The following THADA variants were observed in gnomAD, a reference collection of about 807,000 sequenced individuals.
THADA encodes the protein tRNA (32-2'-O)-methyltransferase regulator THADA.
A neutral mutation model predicts 219.8 loss-of-function variants in THADA; 213 were observed. That is an observed-to-expected ratio of 0.97 (90% confidence interval 0.87 to 1.09). THADA has a LOEUF of 1.09. Among genes scored for constraint, THADA ranks in the 50% least tolerant of loss-of-function variants. THADA has a pLI of 0.00. For missense variants in THADA, 2,956 were observed against 2,311.3 expected (o/e 1.28, Z -5.72); for synonymous variants, 1,018 against 828.9 (o/e 1.23, Z -3.92).
At chr2:43,470,207 CAA>C (rs67659070) in intron 26 of THADA, among the ~76,000 whole-genome samples, 2,974 of 80,610 alleles carry the variant, frequency 0.037, 30 homozygotes, top group African/African-American at 0.057. Context: ...GACCTTGTCT[CAA>C]AAAAAAAAAA....
At position 43,572,810 on chromosome 2, in the gene THADA, T is replaced by G. The variant is rs757130354; in HGVS notation, c.1908+4A>C. On this transcript the variant is annotated splice_donor_region_variant and intron_variant, in intron 12 of 37. Coordinates refer to ENST00000405975, the MANE Select transcript of THADA (RefSeq NM_022065.5). ...TACAAATCCAGGTAATTTTCTTTAC[T>G]TACTTGGCAATGCTGATGAATTAAG... The G allele has an allele frequency of 1.2e-6, 2 of 1,612,872 alleles. No individual in the cohort carries two copies. Among genetic ancestry groups the G allele is most frequent in the Admixed American group, 1.7e-5 (1 of 59,788 alleles).
intron 21 of THADA, among the ~76,000 whole-genome samples, chr2:43,531,097 A>T (rs920701226): frequency 6.6e-6 from 1 of 152,254 alleles, no homozygotes; most frequent in African/African-American, 2.4e-5. Flanking sequence ...AGATGAAAAC[A>T]AGATGCCTGT....
rs763566405 is a variant in THADA, at chr2:43,498,915, G to A, written c.3662C>T (p.Thr1221Met). The A allele has an allele frequency of 1.6e-4, 248 of 1,593,662 alleles. No homozygotes were observed. The highest frequency in any genetic ancestry group is 3.1e-4 in the South Asian group (27 of 87,454). Residue 1221 changes from threonine to methionine, a missense_variant, in exon 25 of 38, where the codon ACG (threonine) becomes ATG (methionine). Physicochemically the swap from Thr to Met is moderately conservative, Grantham distance 81. Coordinates refer to ENST00000405975, the MANE Select transcript of THADA (RefSeq NM_022065.5). ...AGGAATAATATTTTCTCCCAGGCGC[G>A]TATCTCTGAACAATGCTCTAAGGAT... ...LNILRALFRDTRLGENIIPYV... is the reference protein window; with the variant it reads ...LNILRALFRDMRLGENIIPYV...
chr2:43,348,632 C>T (rs961391720), intron 29 of THADA, among the ~76,000 whole-genome samples: 2 of 152,040 alleles, frequency 1.3e-5, no homozygotes, highest in Non-Finnish European at 2.9e-5. Flanking sequence ...AGAGCTTCTG[C>T]GGGCTGCAGA....
chr2:43,433,994 AAGT>A (rs753625606), intron 26 of THADA, among the ~76,000 whole-genome samples: 2 of 152,146 alleles, frequency 1.3e-5, no homozygotes, highest in Non-Finnish European at 2.9e-5. Context: ...CAGCCCTGAG[AAGT>A]AGATTTTAAA....
chr2:43,534,371 A>G (rs1694284153), intron 21 of THADA, among the ~76,000 whole-genome samples: 1 of 152,154 alleles, frequency 6.6e-6, no homozygotes, highest in African/African-American at 2.4e-5. Flanking sequence ...ATTAATATAT[A>G]TATATTATTG....
chr2:43,243,392 A>C (rs909286433), intron 36 of THADA, among the ~76,000 whole-genome samples: 5 of 152,230 alleles, frequency 3.3e-5, no homozygotes, highest in Admixed American at 3.3e-4. Context: ...TACAGTGTTC[A>C]CGATAGCCCT....
intron 22 of THADA, among the ~76,000 whole-genome samples, chr2:43,515,857 C>T (rs1328893023): frequency 1.3e-5 from 2 of 152,086 alleles, no homozygotes; most frequent in Non-Finnish European, 2.9e-5. Flanking sequence ...ACAAAGTACA[C>T]CTAAAGTAGT....
intron 25 of THADA, among the ~76,000 whole-genome samples, chr2:43,496,715 G>A (rs1423096190): frequency 6.6e-6 from 1 of 151,996 alleles, no homozygotes; most frequent in Non-Finnish European, 1.5e-5. Flanking sequence ...TGGAACTTGT[G>A]CATGGCTGAT....
At chr2:43,405,667 T>C (rs981633319) in intron 28 of THADA, among the ~76,000 whole-genome samples, 3 of 152,182 alleles carry the variant, frequency 2.0e-5, no homozygotes, top group Non-Finnish European at 4.4e-5. Flanking sequence ...GAGTAATGAG[T>C]TCGGAGCTTT....
chr2:43,548,736 G>C (rs1464894571), intron 20 of THADA, among the ~76,000 whole-genome samples: 1 of 152,218 alleles, frequency 6.6e-6, no homozygotes, highest in Admixed American at 6.5e-5. Flanking sequence ...GCAGTATTAG[G>C]ATGGCAGTGA....
intron 30 of THADA, among the ~76,000 whole-genome samples, chr2:43,333,840 T>C (rs905515455): frequency 2.0e-5 from 3 of 152,204 alleles, no homozygotes; most frequent in Non-Finnish European, 4.4e-5. Flanking sequence ...GAAGGATCTC[T>C]TTCTTCAGGA....
chr2:43,411,798 C>T (rs963815562), intron 28 of THADA, among the ~76,000 whole-genome samples: 6 of 152,122 alleles, frequency 3.9e-5, no homozygotes, highest in African/African-American at 4.8e-5. Context: ...TTCAGAAGCA[C>T]GGTACATTAT....
intron 28 of THADA, among the ~76,000 whole-genome samples, chr2:43,425,366 C>G (rs1477240712): frequency 1.3e-5 from 2 of 151,894 alleles, no homozygotes; most frequent in East Asian, 3.9e-4. Context: ...ATTCCTGGGT[C>G]AAAATCTACT....
At chr2:43,568,318 A>C (rs1332396115) in intron 14 of THADA, among the ~76,000 whole-genome samples, 1 of 152,210 alleles carries the variant, frequency 6.6e-6, no homozygotes, top group African/African-American at 2.4e-5. Flanking sequence ...GTCTTTTTCA[A>C]CTAATAGCCT....
At chr2:43,414,498 C>G (rs1305257342) in intron 28 of THADA, among the ~76,000 whole-genome samples, 3 of 152,098 alleles carry the variant, frequency 2.0e-5, no homozygotes, top group Non-Finnish European at 4.4e-5. Flanking sequence ...AGGAATGAAC[C>G]ACCAAAATGA....
At chr2:43,377,558 G>C (rs764570636) in intron 29 of THADA, among the ~76,000 whole-genome samples, 1 of 152,182 alleles carries the variant, frequency 6.6e-6, no homozygotes, top group Non-Finnish European at 1.5e-5. Context: ...AGCTTACAGC[G>C]ATGAAAAACT....
chr2:43,323,594 C>A (rs891548673), intron 30 of THADA, among the ~76,000 whole-genome samples: 3 of 152,210 alleles, frequency 2.0e-5, no homozygotes, highest in African/African-American at 7.2e-5. Context: ...AGGATGTCTC[C>A]TGTGCATCCA....
chr2:43,323,912 G>A (rs935641477), intron 30 of THADA, among the ~76,000 whole-genome samples: 2 of 152,206 alleles, frequency 1.3e-5, no homozygotes, highest in African/African-American at 2.4e-5. Context: ...TCCAAGGAGC[G>A]GCAGCTTGGG....
Sources: allele counts gnomAD v4.1 joint callset (sites outside exome capture counted in the v4.1 genomes callset), GRCh38; gene constraint gnomAD v4.1.1; transcripts MANE v1.5; gene names NCBI Gene and HGNC (gene_info 2026-07-23, HGNC 2026-07-21).